MEMO1: variants seen among roughly 807,000 people sequenced by gnomAD.
MEMO1 encodes the protein mediator of cell motility 1.
In MEMO1, 6 loss-of-function variants were observed where a neutral mutation model predicts 45.2. The ratio of observed to expected loss-of-function variants is 0.13; its 90% confidence interval spans 0.07 to 0.26. MEMO1 has a LOEUF of 0.26. MEMO1 is among the 10% of genes least tolerant of loss of function. The pLI is 1.00. For synonymous variants in MEMO1, 78 were observed against 124.3 expected (o/e 0.63, Z 2.48); for missense variants, 184 against 370.5 (o/e 0.50, Z 4.13).
intron 8 of MEMO1, among the ~76,000 whole-genome samples, chr2:31,881,276 T>C (rs1675319672): frequency 6.6e-6 from 1 of 151,032 alleles, no homozygotes; most frequent in South Asian, 2.1e-4. Flanking sequence ...GATCACTTGA[T>C]CTCAGGAGTT....
At chr2:32,001,285 C>T (rs540473682) in intron 2 of MEMO1, among the ~76,000 whole-genome samples, 2 of 152,002 alleles carry the variant, frequency 1.3e-5, no homozygotes, top group Non-Finnish European at 2.9e-5. Flanking sequence ...GTGATCCGCC[C>T]GCCTCGGCCT....
chr2:31,933,949 C>T (rs575548013), intron 3 of MEMO1, among the ~76,000 whole-genome samples: 1 of 152,136 alleles, frequency 6.6e-6, no homozygotes, highest in Non-Finnish European at 1.5e-5. Flanking sequence ...TGTTACAACT[C>T]CAGTCTCTGA....
chr2:31,928,236 T>G (rs560364964), intron 4 of MEMO1, among the ~76,000 whole-genome samples: 1 of 152,182 alleles, frequency 6.6e-6, no homozygotes, highest in Non-Finnish European at 1.5e-5. Flanking sequence ...AGCCCCCTAA[T>G]AGTTACTGTG....
At chr2:32,005,195 C>T (rs1410497102) in intron 2 of MEMO1, among the ~76,000 whole-genome samples, 1 of 151,610 alleles carries the variant, frequency 6.6e-6, no homozygotes, top group Non-Finnish European at 1.5e-5. Context: ...TGGCTCACAC[C>T]TATAATCCCA....
rs1666661610 is a variant in MEMO1 at position 31,950,102 on chromosome 2, C to T, written c.62-6719G>A. 2.0e-5 allele frequency among the ~76,000 whole-genome samples: 3 copies of T among 152,164 alleles called. No individual in the cohort carries two copies. The South Asian group carries it at 6.2e-4, about 32-fold the overall frequency. On this transcript the variant is annotated intron_variant, in intron 2 of 9. Transcript: ENST00000404530. ...AACTTGTTCAGACATATATTATTGC[C>T]GGGCGCAGTGGCTCACGCCTGTAAT...
chr2:32,010,118 G>T, intron 2 of MEMO1, 69 bp downstream of exon 2: 1 of 834,948 alleles, frequency 1.2e-6, no homozygotes, highest in Non-Finnish European at 1.4e-6. Flanking sequence ...CCGGGCCGCC[G>T]ACCTCGGCCG....
At chr2:31,896,164 C>A (rs991152360) in intron 6 of MEMO1, among the ~76,000 whole-genome samples, 5 of 151,986 alleles carry the variant, frequency 3.3e-5, no homozygotes, top group Admixed American at 2.6e-4. Context: ...GTGAAAGCAG[C>A]GAGAAGAAAA....
chr2:31,934,045 C>T (rs150318404), intron 3 of MEMO1, among the ~76,000 whole-genome samples: 163 of 152,272 alleles, frequency 1.1e-3, no homozygotes, highest in African/African-American at 3.8e-3. Context: ...TTTATAAGTA[C>T]GCCATCTTGC....
At chr2:31,943,422 A>C in intron 2 of MEMO1, 39 bp from the exon 3 acceptor site, 1 of 1,417,814 alleles carries the variant, frequency 7.1e-7, no homozygotes, top group Non-Finnish European at 1.0e-6. Context: ...TCAGCAAAGC[A>C]ATGTACTACA....
At chr2:32,006,591 CAAAA>C (rs200802004) in intron 2 of MEMO1, among the ~76,000 whole-genome samples, 2 of 70,512 alleles carry the variant, frequency 2.8e-5, no homozygotes, top group Admixed American at 1.6e-4. Context: ...TGGACCTTAC[CAAAA>C]AAAAAAAAAA....
At chr2:31,999,187 T>C (rs1672965805) in intron 2 of MEMO1, among the ~76,000 whole-genome samples, 1 of 152,178 alleles carries the variant, frequency 6.6e-6, no homozygotes, top group Non-Finnish European at 1.5e-5. Context: ...GCCACTATCA[T>C]CTCACAGTTG....
At chr2:31,907,838 A>G (rs1204838605) in intron 6 of MEMO1, among the ~76,000 whole-genome samples, 1 of 151,870 alleles carries the variant, frequency 6.6e-6, no homozygotes, top group African/African-American at 2.4e-5. Context: ...CAACTAGTAC[A>G]ACTAGCAAAA....
At chr2:31,959,502 A>G (rs1430855605) in intron 2 of MEMO1, among the ~76,000 whole-genome samples, 4 of 108,264 alleles carry the variant, frequency 3.7e-5, no homozygotes, top group Non-Finnish European at 8.1e-5. Flanking sequence ...ATGAGAACTG[A>G]AAAAAAAAAA....
chr2:31,893,777 C>G (rs977108977), intron 6 of MEMO1, among the ~76,000 whole-genome samples: 1 of 151,882 alleles, frequency 6.6e-6, no homozygotes, highest in Non-Finnish European at 1.5e-5. Flanking sequence ...TTGGCTCACT[C>G]TGAATAAACA....
At chr2:31,923,880 G>A (rs983788421) in intron 4 of MEMO1, 38 of 1,047,280 alleles carry the variant, frequency 3.6e-5, no homozygotes, top group Non-Finnish European at 4.7e-5. Flanking sequence ...GAGGTCTGCT[G>A]GAAGCCTAAT....
intron 3 of MEMO1, among the ~76,000 whole-genome samples, chr2:31,933,345 AAAAATTTATATATATATATAT>A (rs1438607060): frequency 5.9e-5 from 2 of 34,092 alleles, no homozygotes; most frequent in Admixed American, 4.4e-4. Flanking sequence ...AAAAAAAAAA[AAAAATTTATATATATATATAT>A]ATATATATAT....
At chr2:31,887,710 A>T (rs1676401829) in intron 7 of MEMO1, among the ~76,000 whole-genome samples, 1 of 152,202 alleles carries the variant, frequency 6.6e-6, no homozygotes, top group South Asian at 2.1e-4. Context: ...CAAATCTGCA[A>T]AAAGTCAAAA....
chr2:31,903,019 T>C (rs1244550826), intron 6 of MEMO1, among the ~76,000 whole-genome samples: 2 of 152,154 alleles, frequency 1.3e-5, no homozygotes, highest in Non-Finnish European at 2.9e-5. Flanking sequence ...TAATTTGTGG[T>C]ATATAAATAA....
intron 2 of MEMO1, among the ~76,000 whole-genome samples, chr2:31,992,515 G>A (rs1672067806): frequency 6.6e-6 from 1 of 152,224 alleles, no homozygotes; most frequent in Non-Finnish European, 1.5e-5. Flanking sequence ...GGGGCACAGT[G>A]GTTCACACCT....
Sources: allele counts gnomAD v4.1 joint callset (sites outside exome capture counted in the v4.1 genomes callset), GRCh38; gene constraint gnomAD v4.1.1; transcripts MANE v1.5; gene names NCBI Gene and HGNC (gene_info 2026-07-23, HGNC 2026-07-21).